Variants in THNSL2 observed in about 807,000 individuals in gnomAD.
THNSL2 encodes threonine synthase-like 2.
THNSL2 carries 34 observed loss-of-function variants against 40.0 expected under a neutral mutation model. That is an observed-to-expected ratio of 0.85 (90% CI 0.65 to 1.13). THNSL2 has a LOEUF of 1.13. THNSL2 is among the 50% of genes most tolerant of loss of function. The pLI is 0.00. For synonymous variants in THNSL2, 241 were observed against 247.5 expected, an observed-to-expected ratio of 0.97 and a Z score of 0.25; for missense variants, 537 against 608.8, an observed-to-expected ratio of 0.88 and a Z score of 1.24.
At chr2:88,185,868 T>G in intron 8 of THNSL2, 30 bp from the exon 9 acceptor site, 1 of 1,567,402 alleles carries the variant, frequency 6.4e-7, no homozygotes, top group South Asian at 1.2e-5. Flanking sequence ...CTCATTGTCC[T>G]CCGGGTGCCA....
intron 3 of THNSL2, 114 bp downstream of exon 3, chr2:88,174,947 G>A (rs1676754105): frequency 3.1e-6 from 4 of 1,270,402 alleles, no homozygotes; most frequent in Non-Finnish European, 4.4e-6. Context: ...TTCTTCCAGA[G>A]CAAGGTTCCT....
chr2:88,181,750 C>A (rs912541097), intron 5 of THNSL2, among the ~76,000 whole-genome samples: 3 of 152,018 alleles, frequency 2.0e-5, no homozygotes, highest in Non-Finnish European at 2.9e-5. Flanking sequence ...AACCCTGTAC[C>A]CATTAGCAGT....
rs1447959778 is a variant in THNSL2 at position 88,175,667 on chromosome 2, C to G, written c.571+266C>G. ...ATTGAAAACCATACCCCAAAAAATGCCACCTCCATGCATGTCCAACCTGCA... is the reference window on the plus strand; with the variant it reads ...ATTGAAAACCATACCCCAAAAAATGGCACCTCCATGCATGTCCAACCTGCA... On this transcript the variant is annotated intron_variant, in intron 4 of 8. Transcript: ENST00000674334. 1.2e-5 allele frequency: 5 copies of G among 407,228 alleles called. No homozygotes were observed. The Admixed American group carries it at 1.6e-4, about 13-fold the overall frequency. 25.2% of individuals were successfully genotyped at this position (407,228 alleles called of 1,614,324 possible). A position where few individuals can be genotyped will look rare whatever the true frequency, so the allele number is the denominator to read the frequency against.
rs116861191 is a variant in THNSL2, at chr2:88,178,832, C to T, written c.621C>T (p.Ala207=). The T allele has an allele frequency of 3.2e-4, 520 of 1,614,116 alleles. 5 individuals carry two copies. The East Asian group carries it at 9.5e-3, about 29-fold the overall frequency. ...ATGAGCCGATCAAGACTGTGTTTGC[C>T]GATGTGGCTTTTGTCAAGAAGCACA... ...ELDEPIKTVF[A]DVAFVKKHNL... The change falls in exon 5 of 9, where the codon GCC becomes GCT. Residue 207 remains alanine, a synonymous_variant. Transcript: ENST00000674334.
intron 4 of THNSL2, 102 bp from the exon 5 acceptor site, chr2:88,178,681 G>C: frequency 1.6e-6 from 2 of 1,258,612 alleles, no homozygotes; most frequent in East Asian, 4.7e-5. Context: ...AAGGTCCCAG[G>C]AGGGTGGGCT....
rs1677813819 is a variant in THNSL2, at chr2:88,182,682, T to C, written c.803-17T>C. 6.5e-7 allele frequency: 1 copy of C among 1,544,630 alleles called. No homozygotes were observed. The stretch of plus-strand genomic sequence containing the variant: ...TATTTCTAAAAAGCCATTGTTCTCC[T>C]CCTCTCTTGTCTTAAGCTGGGTACA... On this transcript the variant is annotated splice_polypyrimidine_tract_variant and intron_variant, in intron 5 of 8. Transcript: ENST00000674334.
At chr2:88,176,962 C>T (rs920762399) in intron 4 of THNSL2, 58 of 152,172 alleles carry the variant, frequency 3.8e-4, no homozygotes, top group African/African-American at 1.3e-3. Flanking sequence ...AGAATCAAAG[C>T]AGAGAATAGC....
In THNSL2 at chr2:88,185,545, A is replaced by G. The variant is rs370551703; in HGVS notation, c.1229+66A>G. 126 of 1,555,012 alleles carry G rather than the reference A, an allele frequency of 8.1e-5. No individual in the cohort carries two copies. The East Asian group carries it at 2.1e-3, about 26-fold the overall frequency. ...AATTTCAGGGGCCCTCTTCTTCTCC[A>G]AGCAGTGGGAGAGACAGGACTACGA... On this transcript the variant is annotated intron_variant, in intron 8 of 8. Transcript: ENST00000674334.
At position 88,174,845 on chromosome 2, in the gene THNSL2, G is replaced by A; in HGVS notation, c.418+12G>A. On this transcript the variant is annotated intron_variant, in intron 3 of 8. Transcript: ENST00000674334. ...CACTGTGGTTGTAGGTGTGTTTTTG[G>A]GGCACAAACGCAGAATACCTGAGTG... The A allele has an allele frequency of 6.2e-7, 1 of 1,613,046 alleles. No homozygotes were observed. The highest frequency in any genetic ancestry group is 8.5e-7 in the Non-Finnish European group (1 of 1,179,238).
Position 88,185,931 on chromosome 2 carries a change from A to C in THNSL2, c.1263A>C (p.Ala421=), listed in dbSNP as rs772990772. 3.1e-6 allele frequency: 5 copies of C among 1,611,056 alleles called. No individual in the cohort carries two copies. The highest frequency in any genetic ancestry group is 1.7e-5 in the Admixed American group (1 of 59,766). ...GGTGCTGCCTCGCCCCTGCCTCTGC[A>C]GCCAAGTTCCCGGAAGCTGTCCTGG... ...TPRCCLAPAS[A]AKFPEAVLAA... The change falls in exon 9 of 9, where the codon GCA becomes GCC. Residue 421 remains alanine, a synonymous_variant. Coordinates refer to ENST00000674334, the MANE Select transcript of THNSL2 (RefSeq NM_018271.5).
At chr2:88,183,788 A>AG in intron 7 of THNSL2, 1 of 151,416 alleles carries the variant, frequency 6.6e-6, no homozygotes, top group East Asian at 1.9e-4. Flanking sequence ...CTGTGTTTAA[A>AG]AAAAAAAAAA....
Position 88,185,659 on chromosome 2 carries a change from C to T in THNSL2, c.1229+180C>T, listed in dbSNP as rs1011589125. The T allele has an allele frequency of 2.6e-6, 4 of 1,551,482 alleles. No individual in the cohort carries two copies. In the Admixed American group the frequency reaches 7.8e-5, roughly 30 times the overall value. ...CAGAAGAGGGAGCGTGACAGATATC[C>T]CAGGGACAGCCATGGTCAGAGGTGG... On this transcript the variant is annotated intron_variant, in intron 8 of 8. Coordinates refer to ENST00000674334, the MANE Select transcript of THNSL2 (RefSeq NM_018271.5).
chr2:88,186,166 G>A lies in THNSL2; in HGVS notation c.*43G>A, dbSNP rs1171314197. ...TTCTTTAGGCTTCAGATCCCAGGAA[G>A]ATGCACCTTCTGAGCTGCCTTGTGC... On this transcript the variant is annotated 3_prime_UTR_variant, in exon 9 of 9. Transcript: ENST00000674334. 6.5e-7 allele frequency: 1 copy of A among 1,537,346 alleles called. No individual in the cohort carries two copies. Among genetic ancestry groups the A allele is most frequent in the Non-Finnish European group, 8.8e-7 (1 of 1,134,160 alleles).
Position 88,182,878 on chromosome 2 carries a change from C to T in THNSL2, c.951+31C>T, listed in dbSNP as rs369255447. Reference sequence around the variant, plus strand: ...CCTGGGGGAGGTGTGCAGATCTGGCCCAGGTGTTGGTTGGGTGGGGCTCGA... The same window carrying T: ...CCTGGGGGAGGTGTGCAGATCTGGCTCAGGTGTTGGTTGGGTGGGGCTCGA... On this transcript the variant is annotated intron_variant, in intron 6 of 8. Coordinates refer to ENST00000674334, the MANE Select transcript of THNSL2 (RefSeq NM_018271.5). 1.9e-6 allele frequency: 3 copies of T among 1,611,890 alleles called. No individual in the cohort carries two copies. The African/African-American group carries it at 4.0e-5, about 22-fold the overall frequency.
chr2:88,173,061 A>T, intron 1 of THNSL2, 78 bp from the exon 2 acceptor site: 1 of 981,086 alleles, frequency 1.0e-6, no homozygotes, highest in Non-Finnish European at 1.5e-6. Flanking sequence ...TAACTGTGAG[A>T]CTGTGTGTGC....
chr2:88,174,816 A>T lies in THNSL2; in HGVS notation c.401A>T (p.His134Leu). 6.2e-7 allele frequency: 1 copy of T among 1,614,130 alleles called. No homozygotes were observed. The highest frequency in any genetic ancestry group is 2.2e-5 in the East Asian group (1 of 44,884). ...LQYFLEKREK[H>L]VTVVVGTSGD... ...TACTTCCTGGAGAAGAGGGAGAAGC[A>T]CGTCACTGTGGTTGTAGGTGTGTTT... The change falls in exon 3 of 9, where the codon CAC becomes CTC. Residue 134 changes from histidine (H) to leucine (L), a missense_variant. Transcript: ENST00000674334.
At chr2:88,173,912 G>A (rs952722365) in intron 2 of THNSL2, among the ~76,000 whole-genome samples, 1 of 152,202 alleles carries the variant, frequency 6.6e-6, no homozygotes, top group African/African-American at 2.4e-5. Context: ...CAGATGTCCA[G>A]ATAATACTAG....
At position 88,175,270 on chromosome 2, in the gene THNSL2, G is replaced by A; in HGVS notation, c.440G>A (p.Ser147Asn). The change falls in exon 4 of 9, where the codon AGT (serine) becomes AAT (asparagine). Residue 147 changes from serine to asparagine, a missense_variant. By Grantham distance (46) the Ser-to-Asn change is conservative. Coordinates refer to ENST00000674334, the MANE Select transcript of THNSL2 (RefSeq NM_018271.5). The stretch of plus-strand genomic sequence containing the variant: ...CCAGGAACATCTGGGGACACAGGAA[G>A]TGCTGCCATTGAGAGTGTTCAAGGG... ...VVVGTSGDTGSAAIESVQGAK... is the reference protein window; with the variant it reads ...VVVGTSGDTGNAAIESVQGAK... 1 of 1,614,184 alleles carries A rather than the reference G, an allele frequency of 6.2e-7. No homozygotes were observed. The highest frequency in any genetic ancestry group is 8.5e-7 in the Non-Finnish European group (1 of 1,180,024).
In THNSL2 at chr2:88,170,398, T is replaced by C. The variant is rs1403636302; in HGVS notation, c.-71T>C. 4 of 135,830 alleles carry C rather than the reference T, an allele frequency of 2.9e-5. No homozygotes were observed. Among genetic ancestry groups the C allele is most frequent in the Non-Finnish European group, 4.8e-5 (3 of 62,934 alleles). 8.4% of individuals were successfully genotyped at this position (135,830 alleles called of 1,614,324 possible). ...CGCACATTCGCAGCCCGGGCAGCCC[T>C]GCTGCGCACCGGGCCTCGCGCCCCG... On this transcript the variant is annotated 5_prime_UTR_variant, in exon 1 of 9. Coordinates refer to ENST00000674334, the MANE Select transcript of THNSL2 (RefSeq NM_018271.5).
Sources: gnomAD v4.1 joint callset for allele counts (sites outside exome capture counted in the v4.1 genomes callset) on GRCh38, gnomAD v4.1.1 for gene constraint, MANE v1.5 for transcripts, NCBI Gene and HGNC (gene_info 2026-07-23, HGNC 2026-07-21) for gene names.